Variants in CAB39L observed in about 807,000 individuals in gnomAD.
The protein encoded by CAB39L is calcium binding protein 39 like, also known as calcium-binding protein 39-like.
A neutral mutation model predicts 39.1 loss-of-function variants in CAB39L; 23 were observed. The observed-to-expected ratio is 0.59, with a 90% CI of 0.42 to 0.83. CAB39L has a LOEUF of 0.83. Among genes scored for constraint, CAB39L ranks in the 40% least tolerant of loss-of-function variants. CAB39L has a pLI of 0.00. For synonymous variants in CAB39L, 126 were observed against 137.2 expected (o/e 0.92, Z 0.57); for missense variants, 366 against 391.9 (o/e 0.93, Z 0.56).
At chr13:49,368,753 T>G (rs948571241) in intron 5 of CAB39L, among the ~76,000 whole-genome samples, 3 of 152,022 alleles carry the variant, frequency 2.0e-5, no homozygotes, top group African/African-American at 7.3e-5. Flanking sequence ...GCTGAATGAA[T>G]GAATTATATA....
At chr13:49,420,193 A>G (rs1229730372) in intron 3 of CAB39L, 2 of 152,198 alleles carry the variant, frequency 1.3e-5, no homozygotes, top group Non-Finnish European at 2.9e-5. Context: ...TCAAGAAAAA[A>G]AGGAGGCCCC....
At chr13:49,333,997 C>T (rs755556880) in intron 9 of CAB39L, among the ~76,000 whole-genome samples, 9 of 152,184 alleles carry the variant, frequency 5.9e-5, no homozygotes, top group East Asian at 1.9e-4. Flanking sequence ...AGCTGCCCTC[C>T]TCCGGTTGGG....
chr13:49,362,409 A>T (rs1458158144), intron 5 of CAB39L, among the ~76,000 whole-genome samples: 1 of 152,156 alleles, frequency 6.6e-6, no homozygotes, highest in East Asian at 1.9e-4. Flanking sequence ...AAATAATTAA[A>T]AATAATCAGG....
chr13:49,422,026 C>T (rs1957179376), intron 3 of CAB39L, among the ~76,000 whole-genome samples: 1 of 152,002 alleles, frequency 6.6e-6, no homozygotes, highest in African/African-American at 2.4e-5. Context: ...ATAACTTATA[C>T]CAAGAACCAA....
intron 3 of CAB39L, among the ~76,000 whole-genome samples, chr13:49,432,033 A>G (rs1957334090): frequency 6.6e-6 from 1 of 152,212 alleles, no homozygotes; most frequent in Non-Finnish European, 1.5e-5. Context: ...CAGAACAAAA[A>G]AACGAGTATT....
chr13:49,322,379 G>A (rs1230476028), intron 10 of CAB39L, among the ~76,000 whole-genome samples: 1 of 152,188 alleles, frequency 6.6e-6, no homozygotes, highest in Non-Finnish European at 1.5e-5. Context: ...TATTCAATGA[G>A]TATGTCCTTA....
At chr13:49,394,524 T>C (rs1450462866) in intron 3 of CAB39L, among the ~76,000 whole-genome samples, 1 of 152,100 alleles carries the variant, frequency 6.6e-6, no homozygotes, top group African/African-American at 2.4e-5. Context: ...ATTCCATTTC[T>C]GGTAATCTGT....
chr13:49,349,510 C>G (rs1398410659), intron 7 of CAB39L, among the ~76,000 whole-genome samples: 1 of 148,522 alleles, frequency 6.7e-6, no homozygotes, highest in East Asian at 2.0e-4. Flanking sequence ...CTTTTTAAAC[C>G]TGAAAACCTA....
chr13:49,336,127 C>CA (rs199728869), intron 9 of CAB39L, among the ~76,000 whole-genome samples: 32,307 of 115,406 alleles, frequency 0.28, 3,794 homozygotes, highest in African/African-American at 0.37. Flanking sequence ...GTTTTTCTAG[C>CA]AAAAAAAAAA....
rs139674284 is a variant in CAB39L, at chr13:49,332,034, G to T, written c.747C>A (p.Ile249=). 29 of 1,614,118 alleles carry T rather than the reference G, an allele frequency of 1.8e-5. No homozygotes were observed. The Middle Eastern group carries it at 1.2e-3, about 64-fold the overall frequency. The change falls in exon 10 of 11, where the codon ATC becomes ATA. Residue 249 remains isoleucine (I), a synonymous_variant. Transcript: ENST00000409308. The stretch of plus-strand genomic sequence containing the variant: ...TGAGTTTCAGGTTCTCCGGCTTGCT[G>T]ATATACTTTGTCATGATGGCAAAGT... The part of the protein sequence containing the change: ...RHNFAIMTKY[I]SKPENLKLMM...
intron 3 of CAB39L, among the ~76,000 whole-genome samples, chr13:49,385,187 A>G (rs560229396): frequency 2.0e-5 from 3 of 152,304 alleles, no homozygotes; most frequent in South Asian, 4.1e-4. Context: ...AGCTTCTATA[A>G]ATAGCACTTG....
At chr13:49,339,554 C>T (rs1954944132) in intron 9 of CAB39L, 123 bp downstream of exon 9, 3 of 1,072,238 alleles carry the variant, frequency 2.8e-6, no homozygotes, top group Non-Finnish European at 3.6e-6. Flanking sequence ...GTAAATACTT[C>T]TCAAGTTATT....
chr13:49,315,550 A>G (rs956019765), intron 10 of CAB39L, among the ~76,000 whole-genome samples: 1 of 152,194 alleles, frequency 6.6e-6, no homozygotes, highest in African/African-American at 2.4e-5. Context: ...CACCAAAAGC[A>G]GTGCTCAGGG....
chr13:49,315,025 T>C (rs1056128360), intron 10 of CAB39L, among the ~76,000 whole-genome samples: 4 of 152,214 alleles, frequency 2.6e-5, no homozygotes, highest in Admixed American at 6.5e-5. Context: ...ACTGATGAGA[T>C]GTGACATTTT....
intron 7 of CAB39L, among the ~76,000 whole-genome samples, chr13:49,348,133 C>T (rs561445478): frequency 1.3e-5 from 2 of 152,210 alleles, no homozygotes; most frequent in South Asian, 2.1e-4. Context: ...CCTTCAAACC[C>T]GGACGCTAGA....
intron 3 of CAB39L, among the ~76,000 whole-genome samples, chr13:49,392,271 A>ATTAAAT (rs1956504073): frequency 6.6e-6 from 1 of 152,178 alleles, no homozygotes; most frequent in Non-Finnish European, 1.5e-5. Context: ...TATTAGGTAC[A>ATTAAAT]ATAAAGGCTA....
At chr13:49,372,300 A>G (rs1277452795) in intron 5 of CAB39L, among the ~76,000 whole-genome samples, 1 of 152,212 alleles carries the variant, frequency 6.6e-6, no homozygotes, top group Non-Finnish European at 1.5e-5. Context: ...AGCATTAGAT[A>G]AAAATTTATA....
intron 3 of CAB39L, among the ~76,000 whole-genome samples, chr13:49,419,920 T>C (rs987238692): frequency 1.1e-4 from 17 of 152,280 alleles, no homozygotes; most frequent in African/African-American, 4.1e-4. Context: ...AGATCAGCAA[T>C]CCCAGTACTT....
In CAB39L at chr13:49,359,822, TC is replaced by T; in HGVS notation, c.286del (p.Asp96MetfsTer2). 1 of 1,603,086 alleles carries T rather than the reference TC, an allele frequency of 6.2e-7. No homozygotes were observed. Among genetic ancestry groups the T allele is most frequent in the Non-Finnish European group, 8.5e-7 (1 of 1,170,558 alleles). On this transcript the variant is annotated frameshift_variant, in exon 6 of 11. Transcript: ENST00000409308. LOFTEE classifies it high-confidence loss of function. The part of the protein sequence containing the change: ...LQLIDFEGKK[D>X]VTQIFNNILR... Reference sequence around the variant, plus strand: ...GATGTTGTTAAATATCTGGGTCACATCTTTTTTTCCCTGTTAAAGAAACAAA... The same window carrying T: ...GATGTTGTTAAATATCTGGGTCACATTTTTTTTCCCTGTTAAAGAAACAAA...
Sources: gnomAD v4.1 joint callset for allele counts (sites outside exome capture counted in the v4.1 genomes callset) on GRCh38, gnomAD v4.1.1 for gene constraint, MANE v1.5 for transcripts, NCBI Gene and HGNC (gene_info 2026-07-23, HGNC 2026-07-21) for gene names.